WDPCP: variants seen among roughly 807,000 people sequenced by gnomAD.
WDPCP encodes WD repeat containing planar cell polarity effector.
Under a neutral mutation model 93.1 loss-of-function variants are expected in WDPCP, and 71 were observed. That is an observed-to-expected ratio of 0.76 (90% CI 0.63 to 0.93). The LOEUF (loss-of-function observed/expected upper bound fraction) is 0.93, where lower values mean the gene tolerates loss of function less well. Ranked by LOEUF, WDPCP falls within the 40% of genes least tolerant of loss-of-function variation. WDPCP has a pLI of 0.00. For missense variants in WDPCP, 844 were observed against 887.4 expected (o/e 0.95, Z 0.62); for synonymous variants, 315 against 315.0 (o/e 1.00, Z 0.00).
chr2:63,346,654 G>T (rs1689214855), intron 12 of WDPCP, among the ~76,000 whole-genome samples: 1 of 152,176 alleles, frequency 6.6e-6, no homozygotes, highest in Non-Finnish European at 1.5e-5. Flanking sequence ...GCATAGCTCA[G>T]AGTTCAGCCA....
At chr2:63,159,717 A>G (rs1010734318) in intron 15 of WDPCP, among the ~76,000 whole-genome samples, 11 of 152,158 alleles carry the variant, frequency 7.2e-5, no homozygotes, top group Non-Finnish European at 1.6e-4. Flanking sequence ...TTGTCGTGCT[A>G]TTTGGTGATA....
intron 13 of WDPCP, among the ~76,000 whole-genome samples, chr2:63,296,438 C>T (rs1684864147): frequency 6.6e-6 from 1 of 152,106 alleles, no homozygotes; most frequent in Non-Finnish European, 1.5e-5. Flanking sequence ...CTGGGAAGTC[C>T]TAGCTGCAGC....
At chr2:63,838,528 C>T in the WDPCP span, among the ~76,000 whole-genome samples, 21 of 152,320 alleles carry the variant, frequency 1.4e-4, no homozygotes, top group African/African-American at 3.8e-4. Flanking sequence ...AGCTCCTTAA[C>T]CCTGTACACA....
intron 12 of WDPCP, among the ~76,000 whole-genome samples, chr2:63,328,301 G>A (rs939453433): frequency 3.3e-5 from 5 of 151,614 alleles, no homozygotes; most frequent in South Asian, 2.1e-4. Flanking sequence ...CAACCTGCTC[G>A]GGTCCCCTTC....
intron 1 of WDPCP, among the ~76,000 whole-genome samples, chr2:63,814,906 C>A (rs1670908593): frequency 6.6e-6 from 1 of 152,148 alleles, no homozygotes; most frequent in African/African-American, 2.4e-5. Context: ...AGAACTATTA[C>A]AACCAAAAGG....
At chr2:63,297,191 C>G (rs537212340) in intron 13 of WDPCP, among the ~76,000 whole-genome samples, 1 of 152,130 alleles carries the variant, frequency 6.6e-6, no homozygotes, top group Non-Finnish European at 1.5e-5. Context: ...GAACTGTTAC[C>G]GCTTGTAAAA....
chr2:63,477,728 T>A (rs1700050733), intron 6 of WDPCP: 1 of 151,868 alleles, frequency 6.6e-6, no homozygotes, highest in Non-Finnish European at 1.5e-5. Context: ...AGTGTGAAAG[T>A]GGGAAAGGAG....
At chr2:63,623,569 A>G (rs1231429300) in intron 3 of WDPCP, among the ~76,000 whole-genome samples, 1 of 152,226 alleles carries the variant, frequency 6.6e-6, no homozygotes, top group Admixed American at 6.5e-5. Flanking sequence ...TTAAACCAAC[A>G]AAGATCAAAA....
At chr2:63,239,051 G>A (rs768344785) in intron 14 of WDPCP, among the ~76,000 whole-genome samples, 2 of 152,202 alleles carry the variant, frequency 1.3e-5, no homozygotes, top group Non-Finnish European at 2.9e-5. Context: ...TACAGCCTCA[G>A]TGCAGCACTG....
Position 63,801,275 on chromosome 2 carries a change from T to C in WDPCP, n.308+12347A>G, listed in dbSNP as rs936337204. On this transcript the variant is annotated intron_variant and non_coding_transcript_variant, in intron 2 of 4. Coordinates refer to the WDPCP transcript ENST00000467687. The stretch of plus-strand genomic sequence containing the variant: ...CTCAAAGAAATCAGTTCCTCACCCA[T>C]GTGAGCCCCTCCATAGTGCTCCTTT... Among the ~76,000 whole-genome samples the C allele has an allele frequency of 3.9e-5, 6 of 152,162 alleles. No individual in the cohort carries two copies. In the East Asian group the frequency reaches 9.7e-4, roughly 24 times the overall value.
Position 63,606,889 on chromosome 2 carries a change from C to A in WDPCP, n.488+43770G>T, listed in dbSNP as rs1393950557. On this transcript the variant is annotated intron_variant and non_coding_transcript_variant, in intron 3 of 4. Coordinates refer to the WDPCP transcript ENST00000467687. ...TAAGACCTGGAAGTTTGTTGAAGGT[C>A]TCCCTATTAATGATTTCTCACGTGA... 3.1e-6 allele frequency: 5 copies of A among 1,610,902 alleles called. No individual in the cohort carries two copies. The African/African-American group carries it at 5.3e-5, about 17-fold the overall frequency.
chr2:63,726,315 C>G (rs1669496572), intron 2 of WDPCP, among the ~76,000 whole-genome samples: 1 of 152,156 alleles, frequency 6.6e-6, no homozygotes, highest in East Asian at 1.9e-4. Context: ...GTCCTTTTCC[C>G]GTTGCTTGTT....
At chr2:63,421,283 T>C (rs531584496) in intron 9 of WDPCP, among the ~76,000 whole-genome samples, 15 of 152,314 alleles carry the variant, frequency 9.8e-5, no homozygotes, top group African/African-American at 2.6e-4. Context: ...CATTTTCTTA[T>C]GCATACTTTT....
chr2:63,212,017 G>A lies in WDPCP; in HGVS notation c.1916-37185C>T, dbSNP rs141189776. Among the ~76,000 whole-genome samples the A allele has an allele frequency of 8.9e-3, 1,351 of 152,296 alleles. 13 individuals carry two copies. Among genetic ancestry groups the A allele is most frequent in the Admixed American group, 0.015 (232 of 15,288 alleles). On this transcript the variant is annotated intron_variant, in intron 14 of 17. Transcript: ENST00000272321. ...GATTGGTGTATCTGAAAGTGACAGG[G>A]AGAATGGAACCAACTTGGAAAACAC...
chr2:63,414,024 A>G (rs1021329791), intron 9 of WDPCP, among the ~76,000 whole-genome samples: 1 of 152,170 alleles, frequency 6.6e-6, no homozygotes. Flanking sequence ...AAGGACAGGA[A>G]TGGACAATTC....
chr2:63,717,616 C>T (rs1244063752), intron 2 of WDPCP: 4 of 526,478 alleles, frequency 7.6e-6, no homozygotes, highest in African/African-American at 1.9e-5. Flanking sequence ...GAAACACCTG[C>T]CTAGTGACCC....
chr2:63,393,465 C>T (rs1366255620), intron 10 of WDPCP, among the ~76,000 whole-genome samples: 32 of 151,762 alleles, frequency 2.1e-4, no homozygotes, highest in Non-Finnish European at 2.9e-5. Flanking sequence ...ACCAACATGT[C>T]ACATGTATAC....
chr2:63,487,615 T>C, intron 2 of WDPCP, 121 bp from the exon 3 acceptor site: 3 of 671,388 alleles, frequency 4.5e-6, no homozygotes, highest in Non-Finnish European at 5.1e-6. Flanking sequence ...CTTATGCTAC[T>C]AGAAATAAAA....
intron 1 of WDPCP, among the ~76,000 whole-genome samples, chr2:63,498,667 C>T (rs922062273): frequency 2.0e-5 from 3 of 152,142 alleles, no homozygotes; most frequent in African/African-American, 7.2e-5. Context: ...AATACCTGTA[C>T]TCTGCCCGGG....
Sources: allele counts gnomAD v4.1 joint callset (sites outside exome capture counted in the v4.1 genomes callset), GRCh38; gene constraint gnomAD v4.1.1; transcripts MANE v1.5; gene names NCBI Gene and HGNC (gene_info 2026-07-23, HGNC 2026-07-21).